HNRNPUL1: variants seen among roughly 807,000 people sequenced by gnomAD.
HNRNPUL1 encodes heterogeneous nuclear ribonucleoprotein U-like protein 1.
HNRNPUL1 carries 14 observed loss-of-function variants against 108.5 expected under a neutral mutation model. The observed-to-expected ratio is 0.13, with a 90% CI of 0.09 to 0.20. HNRNPUL1 has a LOEUF of 0.20. Among genes scored for constraint, HNRNPUL1 ranks in the 10% least tolerant of loss-of-function variants. HNRNPUL1 has a pLI of 1.00. For missense variants in HNRNPUL1, 804 were observed against 1,168.3 expected, an observed-to-expected ratio of 0.69 and a Z score of 4.55; for synonymous variants, 422 against 445.2, an observed-to-expected ratio of 0.95 and a Z score of 0.66.
At chr19:41,284,169 A>G (rs2036070302) in intron 7 of HNRNPUL1, among the ~76,000 whole-genome samples, 1 of 149,248 alleles carries the variant, frequency 6.7e-6, no homozygotes, top group African/African-American at 2.4e-5. Context: ...TGTTGCTCAG[A>G]AGCAGAAAAA....
chr19:41,302,315 T>G (rs2122961843), intron 11 of HNRNPUL1: 1 of 347,466 alleles, frequency 2.9e-6, no homozygotes, highest in Non-Finnish European at 5.6e-6. Flanking sequence ...GCCTCCTGAG[T>G]TCACCCAGTT....
At chr19:41,280,202 G>A (rs959884842) in intron 6 of HNRNPUL1, among the ~76,000 whole-genome samples, 6 of 152,270 alleles carry the variant, frequency 3.9e-5, no homozygotes, top group African/African-American at 1.2e-4. Context: ...ATAGATAATG[G>A]AGACTCAGAA....
intron 10 of HNRNPUL1, chr19:41,298,858 G>A (rs138148895): frequency 3.9e-5 from 6 of 152,142 alleles, no homozygotes; most frequent in Non-Finnish European, 8.8e-5. Context: ...TGTACCACAT[G>A]GAAGACCTCC....
chr19:41,264,486 A>G lies in HNRNPUL1; in HGVS notation c.-18A>G. On this transcript the variant is annotated 5_prime_UTR_variant, in exon 1 of 15. Transcript: ENST00000392006. ...GGAGGCCGGGCCGGGCTCGGGGGCC[A>G]CCCCGGGGGCCCGGGCCATGGATGT... The G allele has an allele frequency of 1.5e-6, 2 of 1,346,310 alleles. No homozygotes were observed. Among genetic ancestry groups the G allele is most frequent in the Non-Finnish European group, 1.9e-6 (2 of 1,048,086 alleles). 83.4% of individuals were successfully genotyped at this position (1,346,310 alleles called of 1,614,324 possible). A position where few individuals can be genotyped will look rare whatever the true frequency, so the allele number is the denominator to read the frequency against.
At chr19:41,272,006 A>C in intron 2 of HNRNPUL1, 76 bp from the exon 3 acceptor site, 2 of 1,524,122 alleles carry the variant, frequency 1.3e-6, no homozygotes, top group Non-Finnish European at 1.8e-6. Context: ...ACATCTCTCA[A>C]GGGAAAAGGG....
In HNRNPUL1 at chr19:41,272,244, A is replaced by G. The variant is rs1397790337; in HGVS notation, c.572+9A>G. 1 of 1,611,958 alleles carries G rather than the reference A, an allele frequency of 6.2e-7. No individual in the cohort carries two copies. Among genetic ancestry groups the G allele is most frequent in the Non-Finnish European group, 8.5e-7 (1 of 1,179,432 alleles). On this transcript the variant is annotated intron_variant, in intron 3 of 14. Transcript: ENST00000392006. ...CACCGAGAGGATAGGAGGTGGGTGT[A>G]TGAGGCAGCAGTCACCCTTGCTCTG...
At chr19:41,285,381 A>G (rs969008392) in intron 7 of HNRNPUL1, among the ~76,000 whole-genome samples, 5 of 152,030 alleles carry the variant, frequency 3.3e-5, no homozygotes, top group Non-Finnish European at 7.4e-5. Context: ...GCGCCACCAC[A>G]CCTAGCTAAT....
Position 41,304,251 on chromosome 19 carries a change from G to A in HNRNPUL1, c.2252G>A (p.Ser751Asn). 1 of 1,608,026 alleles carries A rather than the reference G, an allele frequency of 6.2e-7. No individual in the cohort carries two copies. The highest frequency in any genetic ancestry group is 8.5e-7 in the Non-Finnish European group (1 of 1,176,236). ...AGCACCCCCACCGTCAGCAGCTACA[G>A]CCCTCCACAGGTGAGAGAATGAGTG... Reference protein sequence around the residue: ...NTSTPTVSSYSPPQPSYSQPP... With the variant: ...NTSTPTVSSYNPPQPSYSQPP... Residue 751 changes from serine to asparagine, a missense_variant, in exon 13 of 15, where the codon AGC becomes AAC. Ser to Asn is a conservative substitution (Grantham distance 46). Around this residue, in one of 4 missense-constraint regions of HNRNPUL1, gnomAD observed 294 missense variants for 388.3 expected, o/e 0.76. Coordinates refer to ENST00000392006, the MANE Select transcript of HNRNPUL1 (RefSeq NM_007040.6).
chr19:41,281,018 C>G (rs2035868889), intron 6 of HNRNPUL1, 145 bp from the exon 7 acceptor site: 1 of 601,840 alleles, frequency 1.7e-6, no homozygotes, highest in South Asian at 1.9e-5. Context: ...TTCACCCTTC[C>G]CCACCCCTAT....
At position 41,276,438 on chromosome 19, in the gene HNRNPUL1, T is replaced by A. The variant is rs141554220; in HGVS notation, c.786+140T>A. The A allele has an allele frequency of 3.0e-4, 266 of 883,770 alleles. No individual in the cohort carries two copies. The African/African-American group carries it at 3.9e-3, about 13-fold the overall frequency. 54.7% of individuals were successfully genotyped at this position (883,770 alleles called of 1,614,324 possible). A position where few individuals can be genotyped will look rare whatever the true frequency, so the allele number is the denominator to read the frequency against. ...CATGTCCAAGCAGACAAAACTGTGA[T>A]GAACTCAAGACAACTACATCATTGC... On this transcript the variant is annotated intron_variant, in intron 5 of 14. Transcript: ENST00000392006.
chr19:41,268,024 T>C (rs1251830117), intron 1 of HNRNPUL1, 199 bp from the exon 2 acceptor site: 2 of 471,744 alleles, frequency 4.2e-6, no homozygotes, highest in Non-Finnish European at 7.4e-6. Context: ...CTCACTAAAC[T>C]GAAGGCTTCA....
At chr19:41,284,548 T>G (rs1038269328) in intron 7 of HNRNPUL1, among the ~76,000 whole-genome samples, 14 of 152,058 alleles carry the variant, frequency 9.2e-5, no homozygotes, top group Admixed American at 4.6e-4. Flanking sequence ...TGCACGCCTG[T>G]AGTCCCAGAT....
chr19:41,292,204 G>T lies in HNRNPUL1; in HGVS notation c.1000-41G>T. The T allele has an allele frequency of 6.2e-7, 1 of 1,604,100 alleles. No homozygotes were observed. Among genetic ancestry groups the T allele is most frequent in the Non-Finnish European group, 8.5e-7 (1 of 1,172,504 alleles). On this transcript the variant is annotated intron_variant, in intron 7 of 14. Transcript: ENST00000392006. The surrounding 1 kb of genome is among the most constrained non-coding windows in gnomAD (Gnocchi z 4.1). ...TCACATTTGACTCCCAGTGCCTATG[G>T]CAAGAGTTGGCAATCATATTCCTTT...
At chr19:41,302,512 C>T (rs2037286229) in intron 11 of HNRNPUL1, 153 bp from the exon 12 acceptor site, 1 of 998,704 alleles carries the variant, frequency 1.0e-6, no homozygotes, top group Non-Finnish European at 1.5e-6. Context: ...AGCCACCGCG[C>T]CCGCCCTTCT....
chr19:41,272,468 C>G, intron 3 of HNRNPUL1: 1 of 437,950 alleles, frequency 2.3e-6, no homozygotes, highest in South Asian at 3.7e-5. Flanking sequence ...ATATCTTAGA[C>G]TTTCACGCGT....
intron 7 of HNRNPUL1, 64 bp downstream of exon 7, chr19:41,281,339 G>A: frequency 9.4e-7 from 1 of 1,062,502 alleles, no homozygotes; most frequent in Non-Finnish European, 1.5e-6. Context: ...TTCTTTTTCA[G>A]GATACCTCTA....
chr19:41,284,860 G>T (rs1425332313), intron 7 of HNRNPUL1, among the ~76,000 whole-genome samples: 1 of 152,188 alleles, frequency 6.6e-6, no homozygotes, highest in African/African-American at 2.4e-5. Context: ...GCCGGGCGTG[G>T]TGGCCAGCGC....
chr19:41,289,046 C>G (rs188889332), intron 7 of HNRNPUL1, among the ~76,000 whole-genome samples: 1 of 152,152 alleles, frequency 6.6e-6, no homozygotes, highest in Admixed American at 6.5e-5. Flanking sequence ...AGACTACACT[C>G]CAAACAGGTT....
intron 1 of HNRNPUL1, among the ~76,000 whole-genome samples, chr19:41,266,323 C>G (rs1367930389): frequency 6.6e-6 from 1 of 152,024 alleles, no homozygotes; most frequent in Admixed American, 6.6e-5. Flanking sequence ...GTCCCAGCTA[C>G]TCGGGAGGCT....
Sources: gnomAD v4.1 joint callset for allele counts (sites outside exome capture counted in the v4.1 genomes callset) on GRCh38, gnomAD v4.1.1 for gene constraint, gnomAD v4.1.1 regional missense constraint, Gnocchi (gnomAD v3.1) non-coding constraint, MANE v1.5 for transcripts, NCBI Gene and HGNC (gene_info 2026-07-23, HGNC 2026-07-21) for gene names.